Variants in RGS5 observed in about 807,000 individuals in gnomAD.
RGS5 encodes the protein regulator of G-protein signalling 5.
Under a neutral mutation model 18.9 loss-of-function variants are expected in RGS5, and 20 were observed. The ratio of observed to expected loss-of-function variants is 1.06; its 90% confidence interval spans 0.74 to 1.54. The LOEUF (loss-of-function observed/expected upper bound fraction) is 1.54. Among genes scored for constraint, RGS5 ranks in the 40% most tolerant of loss-of-function variants. The pLI, the probability that RGS5 is intolerant of heterozygous loss-of-function variation, is 0.00. For synonymous variants in RGS5, 57 were observed against 76.2 expected, an observed-to-expected ratio of 0.75 and a Z score of 1.31; for missense variants, 201 against 211.8, an observed-to-expected ratio of 0.95 and a Z score of 0.32.
chr1:163,312,779 G>T (rs1293501512), intron 1 of RGS5, among the ~76,000 whole-genome samples: 1 of 152,164 alleles, frequency 6.6e-6, no homozygotes, highest in Non-Finnish European at 1.5e-5. Flanking sequence ...ACATTATTTT[G>T]TACTGGTAAG....
intron 2 of RGS5, among the ~76,000 whole-genome samples, chr1:163,229,737 T>G (rs1482033644): frequency 1.3e-5 from 2 of 152,202 alleles, no homozygotes; most frequent in Non-Finnish European, 2.9e-5. Flanking sequence ...AATATTGGCT[T>G]TTCAGTGAGA....
At chr1:163,200,464 C>T (rs1013399034) in intron 1 of RGS5, among the ~76,000 whole-genome samples, 3 of 151,874 alleles carry the variant, frequency 2.0e-5, no homozygotes, top group East Asian at 3.9e-4. Context: ...AAGACAGGAG[C>T]CTGTGTGGGG....
At chr1:163,266,736 C>T (rs1276043915) in intron 2 of RGS5, 2 of 152,076 alleles carry the variant, frequency 1.3e-5, no homozygotes, top group African/African-American at 4.8e-5. Flanking sequence ...TATTTCACTA[C>T]ATCTTTGATA....
rs893780972 is a variant in RGS5, at chr1:163,271,546, T to A, written c.-281+34687A>T. On this transcript the variant is annotated intron_variant, in intron 2 of 5. Coordinates refer to the RGS5 transcript ENST00000618415. ...GCCTACAGAACCATGAGAAATAAAT[T>A]TCTGTGGTTTAGGCCACCCAGCCTA... Among the ~76,000 whole-genome samples the A allele has an allele frequency of 1.9e-4, 29 of 152,152 alleles. 1 individual carries two copies. The highest frequency in any genetic ancestry group is 2.9e-5 in the Non-Finnish European group (2 of 68,024).
chr1:163,183,704 AT>A (rs766988610), intron 1 of RGS5, among the ~76,000 whole-genome samples: 25 of 152,348 alleles, frequency 1.6e-4, no homozygotes, highest in Non-Finnish European at 2.9e-4. Context: ...AGTAAAAGTG[AT>A]ATAAACTACA....
At chr1:163,223,422 T>C (rs1647271168) in intron 2 of RGS5, among the ~76,000 whole-genome samples, 1 of 152,188 alleles carries the variant, frequency 6.6e-6, no homozygotes, top group South Asian at 2.1e-4. Context: ...CTCCCACTAA[T>C]GTATTTCTTA....
At chr1:163,234,654 A>AT (rs1418001404) in intron 2 of RGS5, among the ~76,000 whole-genome samples, 2 of 152,210 alleles carry the variant, frequency 1.3e-5, no homozygotes, top group Non-Finnish European at 2.9e-5. Context: ...TTGATGAAAG[A>AT]TTTTTTATAA....
In RGS5 at chr1:163,172,382, G is replaced by C. The variant is rs547415966; in HGVS notation, c.45-4014C>G. Among the ~76,000 whole-genome samples, 59 of 152,282 alleles carry C rather than the reference G, an allele frequency of 3.9e-4. 1 individual carries two copies. In the South Asian group the frequency reaches 0.012, roughly 31 times the overall value. On this transcript the variant is annotated intron_variant, in intron 1 of 4. Coordinates refer to ENST00000313961, the MANE Select transcript of RGS5 (RefSeq NM_003617.4). Reference sequence around the variant, plus strand: ...CACCATTTATAAATGGTAGTTAAATGCTCAAGACATACCACAAAATCCTTT... The same window carrying C: ...CACCATTTATAAATGGTAGTTAAATCCTCAAGACATACCACAAAATCCTTT...
chr1:163,197,690 T>C (rs1000345850), intron 1 of RGS5, among the ~76,000 whole-genome samples: 2 of 152,166 alleles, frequency 1.3e-5, no homozygotes, highest in Admixed American at 1.3e-4. Flanking sequence ...AATAGTTCAT[T>C]CACTTTCTTA....
At position 163,282,921 on chromosome 1, in the gene RGS5, G is replaced by GGT. The variant is rs547854848; in HGVS notation, c.-281+23310_-281+23311dup. 8.5e-5 allele frequency among the ~76,000 whole-genome samples: 13 copies of GGT among 152,106 alleles called. No homozygotes were observed. In the East Asian group the frequency reaches 2.5e-3, roughly 29 times the overall value. On this transcript the variant is annotated intron_variant, in intron 2 of 5. Coordinates refer to the RGS5 transcript ENST00000618415. ...ACAGATGAATTGAATAAGAAAATGC[G>GGT]GTATATATACATAATGGAATACTAT...
At chr1:163,174,519 T>C (rs1020107133) in intron 1 of RGS5, among the ~76,000 whole-genome samples, 1 of 152,220 alleles carries the variant, frequency 6.6e-6, no homozygotes, top group Admixed American at 6.5e-5. Context: ...AGGACTAAGA[T>C]GTCTCTAATT....
At chr1:163,164,398 C>A (rs1657953822) in intron 2 of RGS5, among the ~76,000 whole-genome samples, 1 of 152,118 alleles carries the variant, frequency 6.6e-6, no homozygotes, top group Non-Finnish European at 1.5e-5. Context: ...AGATGATTAA[C>A]CACATGTTTT....
At chr1:163,151,730 A>T (rs543299251) in intron 4 of RGS5, among the ~76,000 whole-genome samples, 29 of 152,300 alleles carry the variant, frequency 1.9e-4, no homozygotes, top group Middle Eastern at 3.4e-3. Flanking sequence ...TCCATGCGGA[A>T]CTGTGAGTCA....
chr1:163,238,704 C>A, intron 2 of RGS5: 1 of 275,016 alleles, frequency 3.6e-6, no homozygotes, highest in East Asian at 1.1e-4. Flanking sequence ...ATTTGATTCC[C>A]CTTATCCATG....
chr1:163,218,604 T>C (rs1270733405), upstream of RGS5, among the ~76,000 whole-genome samples: 1 of 151,578 alleles, frequency 6.6e-6, no homozygotes, highest in Admixed American at 6.6e-5. Flanking sequence ...AAAATAAAAA[T>C]AAAAAATAGA....
Position 163,147,177 on chromosome 1 carries a change from TC to T in RGS5, c.*164del. The T allele has an allele frequency of 1.7e-6, 1 of 590,114 alleles. No homozygotes were observed. The highest frequency in any genetic ancestry group is 2.7e-6 in the Non-Finnish European group (1 of 364,884). 36.6% of individuals were successfully genotyped at this position (590,114 alleles called of 1,614,324 possible). A position where few individuals can be genotyped will look rare whatever the true frequency, so the allele number is the denominator to read the frequency against. On this transcript the variant is annotated 3_prime_UTR_variant, in exon 5 of 5. Transcript: ENST00000313961. ...AAGGCCTTCGGACAGTAGATAAGTA[TC>T]CAAAGCAGTGTGGGCAAAAAGAGTA...
intron 2 of RGS5, among the ~76,000 whole-genome samples, chr1:163,226,245 AAG>A (rs1647332802): frequency 6.6e-6 from 1 of 152,200 alleles, no homozygotes; most frequent in East Asian, 1.9e-4. Context: ...AAGTAATTTT[AAG>A]AGAAAGGATT....
rs1316489572 is a variant in RGS5, at chr1:163,152,636, A to C, written c.298T>G (p.Tyr100Asp). 1 of 1,613,162 alleles carries C rather than the reference A, an allele frequency of 6.2e-7. No homozygotes were observed. The highest frequency in any genetic ancestry group is 1.1e-5 in the South Asian group (1 of 90,854). ...TTGGCAGGGGACTTGATCTTCTTGT[A>C]ATCCTCACAGGCAATCCAGAACTCA... ...NLEFWIACED[Y>D]KKIKSPAKMA... The change falls in exon 4 of 5, where the codon TAC becomes GAC. Residue 100 changes from tyrosine (Y) to aspartate (D), a missense_variant. Coordinates refer to ENST00000313961, the MANE Select transcript of RGS5 (RefSeq NM_003617.4).
chr1:163,146,443 A>G lies in RGS5; in HGVS notation c.*899T>C, dbSNP rs1040696479. On this transcript the variant is annotated 3_prime_UTR_variant, in exon 5 of 5. Transcript: ENST00000313961. ...CTCTTTTTAGCATATAGCCATCTTG[A>G]TATTTAGGTGGGAGACTACTCCAAT... 4 of 152,136 alleles carry G rather than the reference A, an allele frequency of 2.6e-5. No individual in the cohort carries two copies. The highest frequency in any genetic ancestry group is 4.4e-5 in the Non-Finnish European group (3 of 68,006). The allele number at this position is 152,136 out of a possible 1,614,324, so 9.4% of individuals were successfully genotyped here.
Sources: allele counts gnomAD v4.1 joint callset (sites outside exome capture counted in the v4.1 genomes callset), GRCh38; gene constraint gnomAD v4.1.1; transcripts MANE v1.5; gene names NCBI Gene and HGNC (gene_info 2026-07-23, HGNC 2026-07-21).